Variants in ROBO2 observed in about 807,000 individuals in gnomAD.
The protein encoded by ROBO2 is roundabout guidance receptor 2.
In ROBO2, 53 loss-of-function variants were observed where a neutral mutation model predicts 160.8. That is an observed-to-expected ratio of 0.33 (90% confidence interval 0.26 to 0.41). ROBO2 has a LOEUF of 0.41. Among genes scored for constraint, ROBO2 ranks in the 10% least tolerant of loss-of-function variants. The pLI is 1.00. For missense variants in ROBO2, 1,577 were observed against 1,722.4 expected (o/e 0.92, Z 1.49); for synonymous variants, 664 against 611.7 (o/e 1.09, Z -1.26).
intron 2 of ROBO2, among the ~76,000 whole-genome samples, chr3:76,960,900 C>T (rs968721241): frequency 6.6e-6 from 1 of 151,936 alleles, no homozygotes; most frequent in African/African-American, 2.4e-5. Context: ...TTATTCAGAC[C>T]TCCATATTAC....
chr3:77,456,261 A>G (rs2081628054), intron 2 of ROBO2, among the ~76,000 whole-genome samples: 1 of 152,216 alleles, frequency 6.6e-6, no homozygotes, highest in South Asian at 2.1e-4. Flanking sequence ...TAGCCATCGA[A>G]GATCCCAAAC....
chr3:76,063,487 G>T (rs1446703148), intron 2 of ROBO2, among the ~76,000 whole-genome samples: 4 of 151,684 alleles, frequency 2.6e-5, no homozygotes, highest in Admixed American at 2.6e-4. Context: ...TGGGACTACA[G>T]GTGTTGCCAC....
chr3:76,172,958 AG>A (rs2073098547), intron 2 of ROBO2, among the ~76,000 whole-genome samples: 1 of 152,072 alleles, frequency 6.6e-6, no homozygotes, highest in Non-Finnish European at 1.5e-5. Flanking sequence ...AAGCAAAGGT[AG>A]GATGACTGGA....
At chr3:76,899,389 T>TA (rs1338655652) in intron 2 of ROBO2, among the ~76,000 whole-genome samples, 2 of 152,160 alleles carry the variant, frequency 1.3e-5, no homozygotes, top group South Asian at 2.1e-4. Context: ...ACAACGGAGG[T>TA]AAAAAATACC....
At chr3:76,960,476 C>G (rs2079570679) in intron 2 of ROBO2, among the ~76,000 whole-genome samples, 1 of 151,652 alleles carries the variant, frequency 6.6e-6, no homozygotes, top group Non-Finnish European at 1.5e-5. Flanking sequence ...GTAAATTAAC[C>G]TTCAATAAAT....
intron 2 of ROBO2, among the ~76,000 whole-genome samples, chr3:76,209,815 G>A (rs1471310617): frequency 6.6e-6 from 1 of 152,084 alleles, no homozygotes; most frequent in Non-Finnish European, 1.5e-5. Context: ...CCCTGGAAAT[G>A]GTAGCTTGAA....
chr3:77,071,980 G>A (rs910768464), intron 1 of ROBO2, among the ~76,000 whole-genome samples: 12 of 152,114 alleles, frequency 7.9e-5, no homozygotes, highest in Non-Finnish European at 1.8e-4. Flanking sequence ...GTTAGGAACT[G>A]GGCCACACAG....
chr3:77,067,028 T>TTACA (rs1553754385), intron 1 of ROBO2, among the ~76,000 whole-genome samples: 1 of 136,840 alleles, frequency 7.3e-6, no homozygotes, highest in African/African-American at 2.6e-5. Flanking sequence ...ACACACACAC[T>TTACA]CACACACACA....
chr3:76,749,450 A>G (rs2093944468), intron 2 of ROBO2, among the ~76,000 whole-genome samples: 1 of 151,978 alleles, frequency 6.6e-6, no homozygotes, highest in African/African-American at 2.4e-5. Flanking sequence ...AAAAGATATC[A>G]GAGAGCTTTC....
intron 2 of ROBO2, among the ~76,000 whole-genome samples, chr3:76,180,004 C>T (rs1516462): frequency 0.025 from 3,752 of 152,154 alleles, 237 homozygotes; most frequent in East Asian, 0.23. Context: ...TCGTCCGTGC[C>T]ATTGCTTCTG....
At chr3:76,621,774 T>G (rs2089105709) in intron 2 of ROBO2, among the ~76,000 whole-genome samples, 1 of 152,240 alleles carries the variant, frequency 6.6e-6, no homozygotes, top group Admixed American at 6.5e-5. Context: ...AAAATAAAAT[T>G]ATTTTAAATC....
At chr3:77,620,074 G>C (rs1439448210) in intron 22 of ROBO2, among the ~76,000 whole-genome samples, 1 of 152,140 alleles carries the variant, frequency 6.6e-6, no homozygotes, top group Non-Finnish European at 1.5e-5. Context: ...ATCTCCACCT[G>C]CTGCAAATAC....
chr3:76,551,717 C>T (rs1179925377), intron 2 of ROBO2, among the ~76,000 whole-genome samples: 1 of 152,158 alleles, frequency 6.6e-6, no homozygotes, highest in Non-Finnish European at 1.5e-5. Flanking sequence ...CCATGTTCCC[C>T]TTGTCCAGAT....
chr3:76,198,567 A>T (rs924564211), intron 2 of ROBO2, among the ~76,000 whole-genome samples: 1 of 152,102 alleles, frequency 6.6e-6, no homozygotes, highest in Non-Finnish European at 1.5e-5. Flanking sequence ...TTATATAGCG[A>T]ATCCTCTTCC....
rs906887166 is a variant in ROBO2 at position 77,118,504 on chromosome 3, T to G, written c.388+20164T>G. On this transcript the variant is annotated intron_variant, in intron 2 of 25. Transcript: ENST00000461745. ...TCTTAAATGTGATGCCTAGCACTTA[T>G]GCTTCCTCAGATGTTTTACACAGTT... 7.9e-5 allele frequency among the ~76,000 whole-genome samples: 12 copies of G among 152,312 alleles called. No homozygotes were observed. In the Middle Eastern group the frequency reaches 0.014, roughly 173 times the overall value.
intron 2 of ROBO2, among the ~76,000 whole-genome samples, chr3:77,010,060 G>A (rs1298333754): frequency 6.6e-6 from 1 of 150,726 alleles, no homozygotes; most frequent in Non-Finnish European, 1.5e-5. Flanking sequence ...TAACTTAATT[G>A]CCATAAATAA....
intron 2 of ROBO2, among the ~76,000 whole-genome samples, chr3:75,978,259 T>C (rs1321495656): frequency 6.6e-6 from 1 of 151,542 alleles, no homozygotes; most frequent in African/African-American, 2.4e-5. Flanking sequence ...GTCTAGTGAA[T>C]ACACTAATGG....
chr3:75,918,116 T>G (rs1946886119), intron 1 of ROBO2, among the ~76,000 whole-genome samples: 1 of 152,214 alleles, frequency 6.6e-6, no homozygotes, highest in African/African-American at 2.4e-5. Context: ...CCCACACCTG[T>G]GTCCTGAATC....
intron 2 of ROBO2, among the ~76,000 whole-genome samples, chr3:76,275,203 C>G (rs1376107235): frequency 6.6e-6 from 1 of 152,040 alleles, no homozygotes; most frequent in East Asian, 1.9e-4. Flanking sequence ...CATCTATCAC[C>G]TTAAGGATGA....
Sources: allele counts gnomAD v4.1 joint callset (sites outside exome capture counted in the v4.1 genomes callset), GRCh38; gene constraint gnomAD v4.1.1; transcripts MANE v1.5; gene names NCBI Gene and HGNC (gene_info 2026-07-23, HGNC 2026-07-21).